The following CCDC7 variants were observed in gnomAD, a reference collection of about 807,000 sequenced individuals.
The protein encoded by CCDC7 is coiled-coil domain containing 7.
Under a neutral mutation model 196.9 loss-of-function variants are expected in CCDC7, and 183 were observed. That is an observed-to-expected ratio of 0.93 (90% CI 0.82 to 1.05). The LOEUF is 1.05. Among genes scored for constraint, CCDC7 ranks in the 50% least tolerant of loss-of-function variants. The probability of loss-of-function intolerance (pLI) is 0.00; values close to 1 mark genes in which losing one functional copy is unlikely to be tolerated. For missense variants in CCDC7, 1,540 were observed against 1,482.2 expected (o/e 1.04, Z -0.64); for synonymous variants, 525 against 484.6 (o/e 1.08, Z -1.10).
At chr10:32,611,769 A>G (rs2062168250) in intron 18 of CCDC7, among the ~76,000 whole-genome samples, 1 of 152,122 alleles carries the variant, frequency 6.6e-6, no homozygotes, top group African/African-American at 2.4e-5. Flanking sequence ...GTTCTGCACC[A>G]TTGATCTATA....
intron 9 of CCDC7, among the ~76,000 whole-genome samples, chr10:32,504,438 C>T (rs1014229668): frequency 1.3e-5 from 2 of 152,034 alleles, no homozygotes; most frequent in African/African-American, 4.8e-5. Context: ...TAATTTTCTT[C>T]CTTCTATGAA....
intron 18 of CCDC7, 42 bp from the exon 20 acceptor site, chr10:32,634,212 C>A: frequency 2.3e-6 from 2 of 852,906 alleles, no homozygotes; most frequent in Non-Finnish European, 3.1e-6. Flanking sequence ...CACAATAGAG[C>A]TCTTTCTCTA....
intron 28 of CCDC7, among the ~76,000 whole-genome samples, chr10:32,766,239 C>T (rs951261792): frequency 6.6e-6 from 1 of 152,012 alleles, no homozygotes; most frequent in Non-Finnish European, 1.5e-5. Flanking sequence ...TTGCATCTGG[C>T]CTCTCCTACT....
chr10:32,656,817 G>A (rs2069994324), intron 20 of CCDC7, among the ~76,000 whole-genome samples: 1 of 152,112 alleles, frequency 6.6e-6, no homozygotes, highest in Admixed American at 6.6e-5. Context: ...TAACTCAAAA[G>A]TCTAAGTACT....
chr10:32,461,751 A>ATGTG (rs1564632762), intron 3 of CCDC7, among the ~76,000 whole-genome samples: 1 of 68,300 alleles, frequency 1.5e-5, no homozygotes. Flanking sequence ...ATATATATAT[A>ATGTG]CATATATATA....
chr10:32,642,436 G>A (rs963693219), intron 20 of CCDC7, among the ~76,000 whole-genome samples: 2 of 152,240 alleles, frequency 1.3e-5, no homozygotes, highest in Non-Finnish European at 2.9e-5. Context: ...CGTGGGCGTA[G>A]GACCCTCCGA....
rs368999977 is a variant in CCDC7 at position 32,466,254 on chromosome 10, C to CT, written c.510+3206dup. ...ACTGTTTTTCAAGGAGTGTTTCTCTCTCTTTTTTTTTTTTTTTTGTAAACT... is the reference window on the plus strand; with the variant it reads ...ACTGTTTTTCAAGGAGTGTTTCTCTCTTCTTTTTTTTTTTTTTTTGTAAACT... On this transcript the variant is annotated intron_variant, in intron 5 of 41. Transcript: ENST00000639629. Among the ~76,000 whole-genome samples, 12 of 116,464 alleles carry CT rather than the reference C, an allele frequency of 1.0e-4. 1 individual carries two copies. The highest frequency in any genetic ancestry group is 6.6e-4 in the South Asian group (2 of 3,018). The allele number at this position is 116,464 out of a possible 152,430, so 76.4% of individuals were successfully genotyped here.
intron 18 of CCDC7, among the ~76,000 whole-genome samples, chr10:32,613,765 G>C (rs1319574658): frequency 1.3e-5 from 2 of 152,144 alleles, no homozygotes; most frequent in African/African-American, 4.8e-5. Context: ...TGATTGCATT[G>C]TGGTGATTTC....
rs1299353175 is a variant in CCDC7 at position 32,460,940 on chromosome 10, C to T, written c.457-1743C>T. ...GCTCCTTACTTTTTGAACCACAGATCTAGAGTTAGTGTTGCGGAAGATAAA... is the reference window on the plus strand; with the variant it reads ...GCTCCTTACTTTTTGAACCACAGATTTAGAGTTAGTGTTGCGGAAGATAAA... On this transcript the variant is annotated intron_variant, in intron 3 of 41. Transcript: ENST00000639629. 4.0e-4 allele frequency among the ~76,000 whole-genome samples: 61 copies of T among 151,998 alleles called. 1 individual carries two copies. The highest frequency in any genetic ancestry group is 4.4e-5 in the Non-Finnish European group (3 of 68,014).
upstream of CCDC7, among the ~76,000 whole-genome samples, chr10:32,448,367 C>T (rs937375800): frequency 3.3e-5 from 5 of 151,500 alleles, no homozygotes; most frequent in African/African-American, 4.8e-5. Context: ...TCTTTTCCAG[C>T]GGGGTGTCAT....
chr10:32,565,567 C>G, exon 14 of CCDC7: 2 of 1,607,772 alleles, frequency 1.2e-6, no homozygotes, highest in Non-Finnish European at 1.7e-6. Context: ...GAAAGTAGCA[C>G]GTCTGGAAAT....
intron 5 of CCDC7, among the ~76,000 whole-genome samples, chr10:32,464,924 A>G (rs2036437086): frequency 6.6e-6 from 1 of 152,032 alleles, no homozygotes; most frequent in Admixed American, 6.6e-5. Flanking sequence ...TATTTGATCC[A>G]CATTCCTCTC....
At chr10:32,640,372 T>TC (rs1554939448) in intron 20 of CCDC7, among the ~76,000 whole-genome samples, 3 of 152,216 alleles carry the variant, frequency 2.0e-5, no homozygotes, top group Non-Finnish European at 4.4e-5. Flanking sequence ...TAGATCTTCC[T>TC]CCATCCCTTT....
intron 28 of CCDC7, among the ~76,000 whole-genome samples, chr10:32,756,827 T>C (rs869076117): frequency 3.9e-5 from 6 of 152,070 alleles, no homozygotes; most frequent in Admixed American, 3.3e-4. Flanking sequence ...AGAGTCAAGA[T>C]CCATCAGTGT....
At chr10:32,646,614 G>C (rs1488302393) in intron 20 of CCDC7, among the ~76,000 whole-genome samples, 1 of 152,006 alleles carries the variant, frequency 6.6e-6, no homozygotes, top group Non-Finnish European at 1.5e-5. Context: ...TAAAGGTGTG[G>C]GGGGTTACAT....
At chr10:32,675,830 A>G (rs1320869432) in intron 21 of CCDC7, 1 of 152,144 alleles carries the variant, frequency 6.6e-6, no homozygotes, top group Non-Finnish European at 1.5e-5. Flanking sequence ...TATAGATTTA[A>G]TGCCATCCCC....
At position 32,790,674 on chromosome 10, in the gene CCDC7, A is replaced by AT. The variant is rs886987454; in HGVS notation, c.3013+11596dup. On this transcript the variant is annotated intron_variant, in intron 29 of 41. Coordinates refer to ENST00000639629, the Ensembl canonical transcript of CCDC7. ...CCTAGGGCCTGAGCCTTTGGAATGC[A>AT]TTTTTTCTCCACAGCTGTGTCAGTG... Among the ~76,000 whole-genome samples the AT allele has an allele frequency of 5.9e-4, 89 of 152,098 alleles. No homozygotes were observed. The Middle Eastern group carries it at 0.014, about 23-fold the overall frequency.
At chr10:32,674,210 T>G (rs1039374194) in intron 21 of CCDC7, among the ~76,000 whole-genome samples, 1 of 151,930 alleles carries the variant, frequency 6.6e-6, no homozygotes, top group Non-Finnish European at 1.5e-5. Flanking sequence ...AAATATTTTT[T>G]ATAGTGATTA....
chr10:32,822,950 A>G (rs1261529387), intron 31 of CCDC7, among the ~76,000 whole-genome samples: 1 of 152,172 alleles, frequency 6.6e-6, no homozygotes, highest in Non-Finnish European at 1.5e-5. Context: ...TGCTCTACTC[A>G]TTGACTCCCT....
Sources: allele counts gnomAD v4.1 joint callset (sites outside exome capture counted in the v4.1 genomes callset), GRCh38; gene constraint gnomAD v4.1.1; transcripts MANE v1.5; gene names NCBI Gene and HGNC (gene_info 2026-07-23, HGNC 2026-07-21).